The following DPP6 variants were observed in gnomAD, a reference collection of about 807,000 sequenced individuals.
DPP6 encodes the protein dipeptidyl peptidase like 6, also known as A-type potassium channel modulatory protein DPP6.
Under a neutral mutation model 122.6 loss-of-function variants are expected in DPP6, and 69 were observed. The observed-to-expected ratio is 0.56, with a 90% confidence interval of 0.46 to 0.69. The LOEUF (loss-of-function observed/expected upper bound fraction) is 0.69. DPP6 is among the 30% of genes least tolerant of loss of function. The pLI is 0.00. For missense variants in DPP6, 928 were observed against 1,116.9 expected (o/e 0.83, Z 2.41); for synonymous variants, 418 against 433.1 (o/e 0.97, Z 0.43).
chr7:153,910,637 T>C (rs1284762101), intron 1 of DPP6, among the ~76,000 whole-genome samples: 1 of 152,130 alleles, frequency 6.6e-6, no homozygotes, highest in Non-Finnish European at 1.5e-5. Context: ...ACTTCACCTC[T>C]CACGTGCCTA....
chr7:153,752,061 C>T, the DPP6 span, among the ~76,000 whole-genome samples: 1 of 152,098 alleles, frequency 6.6e-6, no homozygotes, highest in African/African-American at 2.4e-5. Context: ...TTTTATAGGA[C>T]CTTCATGGTA....
chr7:154,080,825 C>T lies in DPP6; in HGVS notation c.243+27762C>T, dbSNP rs538999219. Among the ~76,000 whole-genome samples, 57 of 152,228 alleles carry T rather than the reference C, an allele frequency of 3.7e-4. 1 individual carries two copies. The highest frequency in any genetic ancestry group is 1.0e-3 in the African/African-American group (43 of 41,552). On this transcript the variant is annotated intron_variant, in intron 1 of 25. Coordinates refer to ENST00000377770, the MANE Select transcript of DPP6 (RefSeq NM_130797.4). ...ACTGGCTGGTAGGTCGAAGCCAGTT[C>T]GAGGAACAGGCTAGGAGGTCTGCAT...
intron 1 of DPP6, among the ~76,000 whole-genome samples, chr7:154,141,673 C>T (rs1795853954): frequency 6.6e-6 from 1 of 152,218 alleles, no homozygotes; most frequent in South Asian, 2.1e-4. Flanking sequence ...CCCCACGCAG[C>T]TCATGCAGAT....
chr7:153,960,703 G>A (rs1358825642), intron 1 of DPP6, among the ~76,000 whole-genome samples: 4 of 114,314 alleles, frequency 3.5e-5, no homozygotes, highest in Non-Finnish European at 6.7e-5. Flanking sequence ...ATGTGTGTGT[G>A]AATGTGTGTG....
chr7:154,190,260 C>G (rs1798550185), intron 1 of DPP6, among the ~76,000 whole-genome samples: 1 of 152,096 alleles, frequency 6.6e-6, no homozygotes, highest in African/African-American at 2.4e-5. Context: ...CTGATGCTGC[C>G]CCGGGGAGGT....
At chr7:153,972,277 T>C (rs1419974731) in intron 1 of DPP6, among the ~76,000 whole-genome samples, 1 of 150,300 alleles carries the variant, frequency 6.7e-6, no homozygotes, top group East Asian at 2.0e-4. Flanking sequence ...GGGGTTGATG[T>C]TTCTCCATCA....
At chr7:154,274,247 G>T (rs1372954607) in intron 1 of DPP6, among the ~76,000 whole-genome samples, 2 of 152,202 alleles carry the variant, frequency 1.3e-5, no homozygotes, top group Non-Finnish European at 2.9e-5. Context: ...ATTGCAAAAT[G>T]GAAACCGTAT....
intron 1 of DPP6, among the ~76,000 whole-genome samples, chr7:154,376,996 A>G (rs569526067): frequency 2.0e-5 from 3 of 152,274 alleles, no homozygotes; most frequent in East Asian, 3.9e-4. Flanking sequence ...TCTTACAGCA[A>G]ACACTTTTAG....
At chr7:154,040,218 C>T (rs1203859041) in intron 1 of DPP6, among the ~76,000 whole-genome samples, 1 of 140,638 alleles carries the variant, frequency 7.1e-6, no homozygotes, top group Admixed American at 6.8e-5. Context: ...GGTGCTATCA[C>T]GGAGGATGCT....
the DPP6 span, among the ~76,000 whole-genome samples, chr7:153,881,114 T>C: frequency 1.7e-4 from 26 of 152,342 alleles, no homozygotes; most frequent in South Asian, 5.0e-3. Context: ...ATCCTCTCAT[T>C]TATTGCTTCG....
chr7:154,050,287 G>C (rs1389011388), upstream of DPP6, among the ~76,000 whole-genome samples: 1 of 152,140 alleles, frequency 6.6e-6, no homozygotes, highest in Non-Finnish European at 1.5e-5. Context: ...ACAATGCCTT[G>C]AGAATATAGT....
intron 1 of DPP6, among the ~76,000 whole-genome samples, chr7:154,424,413 G>T (rs2151236361): frequency 6.6e-6 from 1 of 152,300 alleles, no homozygotes; most frequent in South Asian, 2.1e-4. Context: ...CTCCAGCAGG[G>T]AATCTGTTTC....
intron 1 of DPP6, among the ~76,000 whole-genome samples, chr7:154,157,688 C>T (rs1394132878): frequency 2.0e-5 from 3 of 152,072 alleles, no homozygotes; most frequent in Non-Finnish European, 2.9e-5. Context: ...AATCCCAGCA[C>T]TTTGGGAGGC....
At chr7:154,534,742 T>G (rs1020486928) in intron 3 of DPP6, among the ~76,000 whole-genome samples, 3 of 152,172 alleles carry the variant, frequency 2.0e-5, no homozygotes, top group African/African-American at 7.2e-5. Context: ...AGATATGTAC[T>G]ATGTTCATGG....
intron 4 of DPP6, among the ~76,000 whole-genome samples, chr7:154,544,924 G>A (rs1829042955): frequency 6.6e-6 from 1 of 152,170 alleles, no homozygotes; most frequent in Non-Finnish European, 1.5e-5. Context: ...CATGTGGGCG[G>A]CTGCGTGGGT....
intron 1 of DPP6, among the ~76,000 whole-genome samples, chr7:154,222,565 G>A: frequency 6.7e-6 from 1 of 148,884 alleles, no homozygotes. Flanking sequence ...TGAGGCAGGA[G>A]AATCAATTGA....
intron 3 of DPP6, among the ~76,000 whole-genome samples, chr7:154,489,798 C>T (rs1333477746): frequency 6.6e-6 from 1 of 152,182 alleles, no homozygotes; most frequent in Non-Finnish European, 1.5e-5. Context: ...TCTAGCTGTG[C>T]TGGTCAGGCC....
At chr7:153,860,105 T>C in the DPP6 span, among the ~76,000 whole-genome samples, 1 of 152,194 alleles carries the variant, frequency 6.6e-6, no homozygotes, top group Non-Finnish European at 1.5e-5. Context: ...ATCATTTTCA[T>C]GATAGAGTTA....
At chr7:154,205,689 C>A (rs371560186) in intron 1 of DPP6, among the ~76,000 whole-genome samples, 1 of 151,918 alleles carries the variant, frequency 6.6e-6, no homozygotes, top group African/African-American at 2.4e-5. Context: ...CCTCCAGGCC[C>A]GGAGCACTCC....
Sources: allele counts gnomAD v4.1 joint callset (sites outside exome capture counted in the v4.1 genomes callset), GRCh38; gene constraint gnomAD v4.1.1; transcripts MANE v1.5; gene names NCBI Gene and HGNC (gene_info 2026-07-23, HGNC 2026-07-21).